Variants in PKHD1 observed in about 807,000 individuals in gnomAD.
PKHD1 encodes the protein PKHD1 ciliary IPT domain containing fibrocystin/polyductin.
Under a neutral mutation model 412.0 loss-of-function variants are expected in PKHD1, and 291 were observed. The ratio of observed to expected loss-of-function variants is 0.71; its 90% CI spans 0.64 to 0.78. The LOEUF is 0.78. Among genes scored for constraint, PKHD1 ranks in the 30% least tolerant of loss-of-function variants. The probability of loss-of-function intolerance (pLI) is 0.00; values close to 1 mark genes in which losing one functional copy is unlikely to be tolerated. For synonymous variants in PKHD1, 1,777 were observed against 1,821.5 expected, an observed-to-expected ratio of 0.98 and a Z score of 0.62; for missense variants, 4,825 against 4,950.7, an observed-to-expected ratio of 0.97 and a Z score of 0.76.
At chr6:51,637,791 T>C (rs1396855132) in intron 64 of PKHD1, among the ~76,000 whole-genome samples, 1 of 151,774 alleles carries the variant, frequency 6.6e-6, no homozygotes, top group Non-Finnish European at 1.5e-5. Context: ...GTAATCCCAG[T>C]GACTCAGGAG....
chr6:51,804,033 C>T (rs1386082458), intron 52 of PKHD1, among the ~76,000 whole-genome samples: 5 of 151,346 alleles, frequency 3.3e-5, no homozygotes, highest in Non-Finnish European at 4.4e-5. Context: ...TTTGGAAGAA[C>T]AAAGAAGTAG....
intron 66 of PKHD1, among the ~76,000 whole-genome samples, chr6:51,620,618 A>G (rs1561970744): frequency 6.6e-6 from 1 of 151,534 alleles, no homozygotes; most frequent in African/African-American, 2.4e-5. Flanking sequence ...GCTTTTTGTT[A>G]TTTTTTTCCT....
rs754786809 is a variant in PKHD1, at chr6:51,794,675, C to A, written c.8303-3302G>T. Reference sequence around the variant, plus strand: ...TGAGCTTTACATTTAAGTCTTTATTCCATCTTGAGTTGATTTTTGTATATG... The same window carrying A: ...TGAGCTTTACATTTAAGTCTTTATTACATCTTGAGTTGATTTTTGTATATG... On this transcript the variant is annotated intron_variant, in intron 52 of 66. Coordinates refer to ENST00000371117, the MANE Select transcript of PKHD1 (RefSeq NM_138694.4). 5.9e-4 allele frequency among the ~76,000 whole-genome samples: 90 copies of A among 152,242 alleles called. 1 individual carries two copies. The highest frequency in any genetic ancestry group is 2.0e-3 in the African/African-American group (82 of 41,536).
In PKHD1 at chr6:51,744,459, G is replaced by C. The variant is rs1784947090; in HGVS notation, c.10082C>G (p.Ala3361Gly). 1 of 1,612,828 alleles carries C rather than the reference G, an allele frequency of 6.2e-7. No individual in the cohort carries two copies. The highest frequency in any genetic ancestry group is 8.5e-7 in the Non-Finnish European group (1 of 1,178,906). Residue 3361 changes from alanine (A) to glycine (G), a missense_variant, in exon 60 of 67, where the codon GCC becomes GGC. Coordinates refer to ENST00000371117, the MANE Select transcript of PKHD1 (RefSeq NM_138694.4). ...AGAAACTGGTGGAGGCAGACCCAGG[G>C]CTCTCCCATCCAGATCCTTGAAGAG... ...KYLFKDLDGR[A>G]LGLPPPVSVF... is the part of the protein sequence containing the mutation.
rs759373429 is a variant in PKHD1 at position 52,083,160 on chromosome 6, G to A, written c.130+18C>T. The A allele has an allele frequency of 6.5e-7, 1 of 1,533,524 alleles. No individual in the cohort carries two copies. The highest frequency in any genetic ancestry group is 2.2e-5 in the East Asian group (1 of 44,512). 95.0% of individuals were successfully genotyped at this position (1,533,524 alleles called of 1,614,324 possible). A position where few individuals can be genotyped will look rare whatever the true frequency, so the allele number is the denominator to read the frequency against. ...GTCAATACATAAGAAATGTGCACTT[G>A]GTAAAACCCCAACCTACCATCAAAA... On this transcript the variant is annotated intron_variant, in intron 3 of 66. Transcript: ENST00000371117.
chr6:51,887,310 G>C, intron 43 of PKHD1, 65 bp from the exon 44 acceptor site: 1 of 1,030,930 alleles, frequency 9.7e-7, no homozygotes, highest in Non-Finnish European at 1.5e-6. Flanking sequence ...TGGAAAGAAA[G>C]ACTCTTGTTT....
At chr6:52,086,321 G>A (rs542182224) in intron 1 of PKHD1, among the ~76,000 whole-genome samples, 1 of 151,860 alleles carries the variant, frequency 6.6e-6, no homozygotes, top group Non-Finnish European at 1.5e-5. Context: ...ATGATAGCCA[G>A]ACTGGTCTTG....
intron 55 of PKHD1, among the ~76,000 whole-genome samples, chr6:51,770,892 A>G (rs1789983154): frequency 1.3e-5 from 2 of 152,084 alleles, no homozygotes; most frequent in Admixed American, 6.6e-5. Flanking sequence ...TATTTTGTCA[A>G]TGTGGTTAAC....
In PKHD1 at chr6:51,950,210, G is replaced by GAGA. The variant is rs1554156558; in HGVS notation, c.5908+9659_5908+9660insTCT. Among the ~76,000 whole-genome samples the GAGA allele has an allele frequency of 1.3e-4, 15 of 113,122 alleles. No individual in the cohort carries two copies. The East Asian group carries it at 4.0e-3, about 30-fold the overall frequency. The allele number at this position is 113,122 out of a possible 152,430, so 74.2% of individuals were successfully genotyped here. On this transcript the variant is annotated intron_variant, in intron 36 of 66. Coordinates refer to ENST00000371117, the MANE Select transcript of PKHD1 (RefSeq NM_138694.4). Reference sequence around the variant, plus strand: ...ACTGCAGTCAAATGGGCAATATAGAGAAAAAAAAAAATATATATATATATA... The same window carrying GAGA: ...ACTGCAGTCAAATGGGCAATATAGAGAGAAAAAAAAAAAATATATATATATATA...
At chr6:51,743,669 GGACAA>G (rs1274437382) in intron 60 of PKHD1, among the ~76,000 whole-genome samples, 5 of 152,124 alleles carry the variant, frequency 3.3e-5, no homozygotes, top group African/African-American at 1.2e-4. Flanking sequence ...AAATTTAAAA[GGACAA>G]GGGAGACCAG....
At position 52,069,520 on chromosome 6, in the gene PKHD1, C is replaced by A. The variant is rs1207083716; in HGVS notation, c.715G>T (p.Val239Phe). ...FSVFNKGKSM[V>F]HKKAWLISAK... Reference sequence around the variant, plus strand: ...CTGATCAGCCATGCCTTCTTGTGGACCATTGACCTTCGAAAAAGACAAAGT... The same window carrying A: ...CTGATCAGCCATGCCTTCTTGTGGAACATTGACCTTCGAAAAAGACAAAGT... The change falls in exon 11 of 67, where the codon GTC (valine) becomes TTC (phenylalanine). Residue 239 changes from valine (V) to phenylalanine (F), a missense_variant. Coordinates refer to ENST00000371117, the MANE Select transcript of PKHD1 (RefSeq NM_138694.4). 9.9e-6 allele frequency: 16 copies of A among 1,612,548 alleles called. No homozygotes were observed. The highest frequency in any genetic ancestry group is 1.3e-5 in the African/African-American group (1 of 74,828).
At chr6:51,960,864 G>GT (rs1791925410) in intron 35 of PKHD1, among the ~76,000 whole-genome samples, 1 of 152,112 alleles carries the variant, frequency 6.6e-6, no homozygotes, top group South Asian at 2.1e-4. Flanking sequence ...GATGTCATAC[G>GT]TTTTTTAAAA....
intron 52 of PKHD1, among the ~76,000 whole-genome samples, chr6:51,810,165 A>G (rs1327089417): frequency 6.6e-6 from 1 of 152,096 alleles, no homozygotes; most frequent in Non-Finnish European, 1.5e-5. Flanking sequence ...GAAATTTATC[A>G]AATGCTTTTA....
chr6:51,693,396 G>A (rs758079416), intron 60 of PKHD1, among the ~76,000 whole-genome samples: 3 of 152,270 alleles, frequency 2.0e-5, no homozygotes, highest in South Asian at 2.1e-4. Context: ...ATACAGGCAC[G>A]TTTATACAAA....
chr6:51,839,164 G>A (rs1422656364), intron 50 of PKHD1, among the ~76,000 whole-genome samples: 1 of 152,164 alleles, frequency 6.6e-6, no homozygotes, highest in Admixed American at 6.5e-5. Flanking sequence ...AATGTGAAGT[G>A]TCATTTCCAA....
At chr6:51,836,348 C>T (rs191669977) in intron 51 of PKHD1, 56 bp downstream of exon 51, 1 of 1,136,044 alleles carries the variant, frequency 8.8e-7, no homozygotes, top group Admixed American at 1.7e-5. Context: ...ATTTGTAGAA[C>T]TACTGGAGGA....
At chr6:52,013,589 A>G (rs1447983888) in intron 34 of PKHD1, among the ~76,000 whole-genome samples, 2 of 152,190 alleles carry the variant, frequency 1.3e-5, no homozygotes, top group East Asian at 3.9e-4. Flanking sequence ...ATAAGCATAT[A>G]TATATGCAAC....
intron 37 of PKHD1, among the ~76,000 whole-genome samples, chr6:51,924,511 G>A (rs1351774461): frequency 6.6e-6 from 1 of 152,150 alleles, no homozygotes; most frequent in African/African-American, 2.4e-5. Context: ...ACAGATTTGT[G>A]TTTTTAAAAG....
chr6:51,773,598 A>G (rs1173650290), intron 54 of PKHD1, among the ~76,000 whole-genome samples: 2 of 151,600 alleles, frequency 1.3e-5, no homozygotes, highest in Admixed American at 1.3e-4. Context: ...ATTGGAATAG[A>G]AGTTCTAATA....
Sources: gnomAD v4.1 joint callset for allele counts (sites outside exome capture counted in the v4.1 genomes callset) on GRCh38, gnomAD v4.1.1 for gene constraint, MANE v1.5 for transcripts, NCBI Gene and HGNC (gene_info 2026-07-23, HGNC 2026-07-21) for gene names.